Variants in GPLD1 observed in about 807,000 individuals in gnomAD.
GPLD1 encodes the protein glycosylphosphatidylinositol specific phospholipase D1, also known as phosphatidylinositol-glycan-specific phospholipase D.
GPLD1 carries 84 observed loss-of-function variants against 112.6 expected under a neutral mutation model. The ratio of observed to expected loss-of-function variants is 0.75; its 90% CI spans 0.63 to 0.89. The LOEUF (loss-of-function observed/expected upper bound fraction) is 0.89. Ranked by LOEUF, GPLD1 falls within the 40% of genes least tolerant of loss-of-function variation. The pLI is 0.00. For synonymous variants in GPLD1, 386 were observed against 403.8 expected (o/e 0.96, Z 0.53); for missense variants, 1,044 against 1,051.5 (o/e 0.99, Z 0.10).
At chr6:24,478,151 C>G (rs1460446780) in intron 3 of GPLD1, among the ~76,000 whole-genome samples, 1 of 152,038 alleles carries the variant, frequency 6.6e-6, no homozygotes, top group Non-Finnish European at 1.5e-5. Context: ...AATATCCTTT[C>G]TTCTTTCTTT....
chr6:24,483,425 T>A (rs1764267295), intron 2 of GPLD1, among the ~76,000 whole-genome samples: 1 of 151,786 alleles, frequency 6.6e-6, no homozygotes, highest in South Asian at 2.1e-4. Flanking sequence ...ACCCCTATTA[T>A]CCCAGCACGT....
intron 3 of GPLD1, among the ~76,000 whole-genome samples, chr6:24,477,949 G>C (rs1030235271): frequency 2.0e-5 from 3 of 152,148 alleles, no homozygotes; most frequent in Non-Finnish European, 4.4e-5. Flanking sequence ...CAAATTCCCT[G>C]TAACTAGTCA....
At chr6:24,454,291 A>G (rs1763196318) in intron 13 of GPLD1, 90 bp from the exon 14 acceptor site, 1 of 883,454 alleles carries the variant, frequency 1.1e-6, no homozygotes, top group Non-Finnish European at 1.6e-6. Context: ...AGCCCAGTCC[A>G]TTAACTTTCT....
intron 2 of GPLD1, among the ~76,000 whole-genome samples, chr6:24,483,898 C>G (rs1286359925): frequency 2.8e-5 from 3 of 108,502 alleles, no homozygotes; most frequent in Admixed American, 8.8e-5. Context: ...CATGCCCCAC[C>G]ACTTTGTTTT....
intron 11 of GPLD1, among the ~76,000 whole-genome samples, chr6:24,461,312 T>C (rs1167646276): frequency 1.3e-5 from 2 of 151,776 alleles, no homozygotes; most frequent in African/African-American, 4.8e-5. Flanking sequence ...CAAAGTATGT[T>C]GAAGGAATGG....
rs569388430 is a variant in GPLD1, at chr6:24,489,443, C to T, written c.69G>A (p.Pro23=). Residue 23 remains proline (P), a synonymous_variant, in exon 1 of 25, where the codon CCG becomes CCA. Coordinates refer to ENST00000230036, the MANE Select transcript of GPLD1 (RefSeq NM_001503.4). ...MLGSLCHRGS[P]CGLSTHVEIG... Reference sequence around the variant, plus strand: ...TTTCTACGTGTGTTGAAAGGCCACACGGTGAACCTCTATGGCAGAGAGAAC... The same window carrying T: ...TTTCTACGTGTGTTGAAAGGCCACATGGTGAACCTCTATGGCAGAGAGAAC... The T allele has an allele frequency of 9.3e-6, 15 of 1,613,106 alleles. No individual in the cohort carries two copies. In the Admixed American group the frequency reaches 1.2e-4, roughly 13 times the overall value.
intron 11 of GPLD1, 93 bp downstream of exon 11, chr6:24,462,637 G>T: frequency 1.3e-6 from 1 of 797,854 alleles, no homozygotes; most frequent in South Asian, 1.5e-5. Context: ...ACCTACAGCT[G>T]TCTCTCAACA....
At chr6:24,474,319 G>C (rs2127361406) in intron 5 of GPLD1, among the ~76,000 whole-genome samples, 1 of 152,228 alleles carries the variant, frequency 6.6e-6, no homozygotes, top group Middle Eastern at 3.4e-3. Context: ...ACTTCTAACA[G>C]AATGTAATTA....
intron 10 of GPLD1, among the ~76,000 whole-genome samples, chr6:24,463,324 T>C (rs866686320): frequency 1.3e-5 from 2 of 152,164 alleles, no homozygotes; most frequent in Non-Finnish European, 2.9e-5. Context: ...ACAGAAGCAC[T>C]GAGGAAGCAG....
chr6:24,436,676 C>T lies in GPLD1; in HGVS notation c.2258G>A (p.Gly753Glu), dbSNP rs868598478. Reference sequence around the variant, plus strand: ...ATATACATATACTCGGCCGTCTTCTCCCCCAATCAGTCCAGAGGTTACATC... The same window carrying T: ...ATATACATATACTCGGCCGTCTTCTTCCCCAATCAGTCCAGAGGTTACATC... ...IADVTSGLIG[G>E]EDGRVYVYNG... is the part of the protein sequence containing the mutation. The change falls in exon 22 of 25, where the codon GGA becomes GAA. Residue 753 changes from glycine to glutamate, a missense_variant. Transcript: ENST00000230036. 6.2e-7 allele frequency: 1 copy of T among 1,613,972 alleles called. No individual in the cohort carries two copies. Among genetic ancestry groups the T allele is most frequent in the Non-Finnish European group, 8.5e-7 (1 of 1,179,920 alleles).
intron 20 of GPLD1, among the ~76,000 whole-genome samples, chr6:24,439,116 C>A (rs1185770552): frequency 2.6e-5 from 4 of 152,192 alleles, no homozygotes; most frequent in South Asian, 4.1e-4. Flanking sequence ...CCTAAAGGAA[C>A]CATGAGCTCC....
chr6:24,437,423 C>T (rs1052380971), intron 20 of GPLD1, 134 bp from the exon 21 acceptor site: 19 of 748,236 alleles, frequency 2.5e-5, no homozygotes, highest in African/African-American at 1.7e-4. Context: ...TGGTCATCTC[C>T]GGCAGTCAGG....
At chr6:24,483,044 A>C (rs74572721) in intron 2 of GPLD1, among the ~76,000 whole-genome samples, 27,119 of 152,084 alleles carry the variant, frequency 0.18, 2,806 homozygotes, top group African/African-American at 0.28. Context: ...AGAATACAGA[A>C]AGGCTGCACG....
chr6:24,490,692 C>CAGTGA (rs1326213541), upstream of GPLD1, among the ~76,000 whole-genome samples: 1 of 150,870 alleles, frequency 6.6e-6, no homozygotes, highest in African/African-American at 2.4e-5. Context: ...GTGGAGATTG[C>CAGTGA]GGTGAGCCGA....
At chr6:24,474,174 TACACACACACAC>T (rs56324939) in intron 5 of GPLD1, among the ~76,000 whole-genome samples, 5 of 145,488 alleles carry the variant, frequency 3.4e-5, no homozygotes, top group Admixed American at 1.4e-4. Flanking sequence ...CACACCCACA[TACACACACACAC>T]ACACACACAC....
intron 3 of GPLD1, among the ~76,000 whole-genome samples, chr6:24,478,355 C>T (rs2760146): frequency 0.89 from 136,208 of 152,248 alleles, 61,639 homozygotes; most frequent in African/African-American, 0.96. Context: ...AAGCTAGCTG[C>T]CTGGGATTCT....
chr6:24,446,888 G>T lies in GPLD1; in HGVS notation c.1770C>A (p.Asp590Glu). The change falls in exon 18 of 25, where the codon GAC becomes GAA. Residue 590 changes from aspartate to glutamate, a missense_variant. Transcript: ENST00000230036. ...FGYSLHGVTV[D>E]NRTLLLVGSP... is the part of the protein sequence containing the mutation. ...TCCCAACCAACAGCAAGGTTCTGTT[G>T]TCCACAGTGACACCGTGAAGGGAAT... is the stretch of plus-strand genomic sequence containing the variant. The T allele has an allele frequency of 6.2e-7, 1 of 1,614,014 alleles. No individual in the cohort carries two copies. The highest frequency in any genetic ancestry group is 8.5e-7 in the Non-Finnish European group (1 of 1,179,962).
chr6:24,458,959 A>G, intron 12 of GPLD1, among the ~76,000 whole-genome samples: 1 of 152,164 alleles, frequency 6.6e-6, no homozygotes, highest in South Asian at 2.1e-4. Flanking sequence ...CAATTCTCAG[A>G]GACCCCATTC....
chr6:24,483,660 C>G (rs1764275595), intron 2 of GPLD1, among the ~76,000 whole-genome samples: 1 of 151,724 alleles, frequency 6.6e-6, no homozygotes. Flanking sequence ...GAGTGAGACT[C>G]CATCTCAGCA....
Sources: gnomAD v4.1 joint callset for allele counts (sites outside exome capture counted in the v4.1 genomes callset) on GRCh38, gnomAD v4.1.1 for gene constraint, MANE v1.5 for transcripts, NCBI Gene and HGNC (gene_info 2026-07-23, HGNC 2026-07-21) for gene names.